BLNK: variants seen among roughly 807,000 people sequenced by gnomAD.
BLNK encodes the protein B-cell linker protein.
BLNK carries 29 observed loss-of-function variants against 73.5 expected under a neutral mutation model. The observed-to-expected ratio is 0.39, with a 90% CI of 0.29 to 0.54. The LOEUF is 0.54. Among genes scored for constraint, BLNK ranks in the 20% least tolerant of loss-of-function variants. BLNK has a pLI of 0.61. For missense variants in BLNK, 460 were observed against 562.8 expected (o/e 0.82, Z 1.85); for synonymous variants, 176 against 200.8 (o/e 0.88, Z 1.04).
intron 16 of BLNK, among the ~76,000 whole-genome samples, chr10:96,195,252 G>A (rs2083436670): frequency 6.6e-6 from 1 of 152,118 alleles, no homozygotes; most frequent in Non-Finnish European, 1.5e-5. Context: ...AAAAGTATGG[G>A]AGGTTCTCAA....
chr10:96,210,639 A>G (rs2083924438), intron 8 of BLNK, among the ~76,000 whole-genome samples: 1 of 152,194 alleles, frequency 6.6e-6, no homozygotes, highest in Non-Finnish European at 1.5e-5. Flanking sequence ...AAAGAGAAGC[A>G]GGATGGATCT....
chr10:96,214,727 A>T (rs900158429), intron 8 of BLNK, among the ~76,000 whole-genome samples: 3 of 152,088 alleles, frequency 2.0e-5, no homozygotes, highest in African/African-American at 7.2e-5. Context: ...TAGACTTGAG[A>T]CATGAATCCA....
At chr10:96,243,053 A>G (rs1166863975) in intron 2 of BLNK, among the ~76,000 whole-genome samples, 1 of 152,240 alleles carries the variant, frequency 6.6e-6, no homozygotes, top group Non-Finnish European at 1.5e-5. Flanking sequence ...CAGAGAGGTC[A>G]GAATATGATA....
At chr10:96,215,517 G>T (rs1003456867) in intron 7 of BLNK, 128 bp from the exon 8 acceptor site, 4 of 747,442 alleles carry the variant, frequency 5.4e-6, no homozygotes, top group Non-Finnish European at 8.7e-6. Context: ...TGCAAAGAAT[G>T]GGAGACACCC....
At chr10:96,257,304 G>C (rs1044879102) in intron 1 of BLNK, among the ~76,000 whole-genome samples, 8 of 152,188 alleles carry the variant, frequency 5.3e-5, no homozygotes, top group East Asian at 1.9e-4. Context: ...GGTGTGTCAT[G>C]ATGAGGGTGG....
At position 96,189,486 on chromosome 10, in the gene BLNK, G is replaced by C; in HGVS notation, c.*2487C>G. On this transcript the variant is annotated 3_prime_UTR_variant, in exon 17 of 17. Coordinates refer to ENST00000224337, the MANE Select transcript of BLNK (RefSeq NM_013314.4). ...AAGAGAACCACCTTTTTCTATACTTGCTTGCATTTTTGATTTAATGTCTTC... is the reference window on the plus strand; with the variant it reads ...AAGAGAACCACCTTTTTCTATACTTCCTTGCATTTTTGATTTAATGTCTTC... The C allele has an allele frequency of 1.6e-6, 1 of 633,392 alleles. No homozygotes were observed. The allele number at this position is 633,392 out of a possible 1,614,324, so 39.2% of individuals were successfully genotyped here.
intron 9 of BLNK, among the ~76,000 whole-genome samples, chr10:96,208,708 C>T (rs1336366649): frequency 6.6e-6 from 1 of 152,144 alleles, no homozygotes; most frequent in Non-Finnish European, 1.5e-5. Flanking sequence ...TTGTTTTCGG[C>T]TGAGAGCTGA....
chr10:96,237,279 T>C (rs1842728513), intron 3 of BLNK, among the ~76,000 whole-genome samples: 1 of 152,228 alleles, frequency 6.6e-6, no homozygotes, highest in Non-Finnish European at 1.5e-5. Context: ...AGGATTGTTA[T>C]GCATACCCCA....
intron 3 of BLNK, among the ~76,000 whole-genome samples, chr10:96,239,655 T>C (rs1554905764): frequency 6.6e-6 from 1 of 152,078 alleles, no homozygotes; most frequent in African/African-American, 2.4e-5. Flanking sequence ...TTAAGAGGCA[T>C]TTAAGAGCAA....
intron 1 of BLNK, among the ~76,000 whole-genome samples, chr10:96,253,926 C>T (rs1185355943): frequency 6.6e-6 from 1 of 151,642 alleles, no homozygotes; most frequent in African/African-American, 2.4e-5. Context: ...GAGGCTGAGA[C>T]AGGAGAATGG....
chr10:96,266,814 G>T (rs1844026404), intron 1 of BLNK, among the ~76,000 whole-genome samples: 1 of 152,208 alleles, frequency 6.6e-6, no homozygotes, highest in Non-Finnish European at 1.5e-5. Flanking sequence ...AAGAGAGACA[G>T]CAAATGCCAC....
Position 96,190,805 on chromosome 10 carries a change from G to A in BLNK, c.*1168C>T, listed in dbSNP as rs587675668. Among the ~76,000 whole-genome samples, 1 of 152,284 alleles carries A rather than the reference G, an allele frequency of 6.6e-6. No individual in the cohort carries two copies. Among genetic ancestry groups the A allele is most frequent in the South Asian group, 2.1e-4 (1 of 4,832 alleles). On this transcript the variant is annotated 3_prime_UTR_variant, in exon 17 of 17. Coordinates refer to ENST00000224337, the MANE Select transcript of BLNK (RefSeq NM_013314.4). ...CATTTCTGGGATGATCTAAGACCTT[G>A]GACCTGATTCTCCACGATGGTATCT...
chr10:96,261,526 G>A (rs1361896177), intron 1 of BLNK, among the ~76,000 whole-genome samples: 1 of 152,092 alleles, frequency 6.6e-6, no homozygotes, highest in Non-Finnish European at 1.5e-5. Context: ...AGGTAGCATC[G>A]GGTATATTAA....
At chr10:96,209,781 G>T (rs1249569404) in intron 9 of BLNK, 57 bp downstream of exon 9, 8 of 1,596,402 alleles carry the variant, frequency 5.0e-6, no homozygotes, top group Non-Finnish European at 6.0e-6. Flanking sequence ...GGGCAGTGGG[G>T]TATCACCATC....
At chr10:96,245,572 T>C (rs1223261022) in intron 2 of BLNK, among the ~76,000 whole-genome samples, 1 of 152,176 alleles carries the variant, frequency 6.6e-6, no homozygotes, top group Non-Finnish European at 1.5e-5. Context: ...CACCAATATA[T>C]AGCTAGTTAA....
At chr10:96,260,392 C>A (rs1468079088) in intron 1 of BLNK, among the ~76,000 whole-genome samples, 41 of 152,212 alleles carry the variant, frequency 2.7e-4, no homozygotes, top group Non-Finnish European at 8.8e-5. Context: ...TAAATCGAAC[C>A]AGCTGCCAAT....
chr10:96,237,628 C>G (rs1465705015), intron 3 of BLNK, among the ~76,000 whole-genome samples: 1 of 152,200 alleles, frequency 6.6e-6, no homozygotes, highest in African/African-American at 2.4e-5. Flanking sequence ...CATCCCCAGC[C>G]AGACCTCAGA....
At position 96,200,892 on chromosome 10, in the gene BLNK, G is replaced by A; in HGVS notation, c.1011+90C>T. On this transcript the variant is annotated intron_variant, in intron 14 of 16. Coordinates refer to ENST00000224337, the MANE Select transcript of BLNK (RefSeq NM_013314.4). The surrounding 1 kb of genome is among the most constrained non-coding windows in gnomAD (Gnocchi z 4.3). ...GTAAAATACAGTCTCTGTTCTCAAGGTTCACTCCAAATGTCTTCTTCTCAG... is the reference window on the plus strand; with the variant it reads ...GTAAAATACAGTCTCTGTTCTCAAGATTCACTCCAAATGTCTTCTTCTCAG... 3 of 1,167,940 alleles carry A rather than the reference G, an allele frequency of 2.6e-6. No homozygotes were observed. Among genetic ancestry groups the A allele is most frequent in the Non-Finnish European group, 3.9e-6 (3 of 773,870 alleles). 72.3% of individuals were successfully genotyped at this position (1,167,940 alleles called of 1,614,324 possible). A position where few individuals can be genotyped will look rare whatever the true frequency, so the allele number is the denominator to read the frequency against.
chr10:96,226,680 A>C (rs1554902547), intron 5 of BLNK, among the ~76,000 whole-genome samples: 1 of 152,042 alleles, frequency 6.6e-6, no homozygotes, highest in East Asian at 1.9e-4. Flanking sequence ...GTCTCTACTA[A>C]AAATACAAAA....
Sources: allele counts gnomAD v4.1 joint callset (sites outside exome capture counted in the v4.1 genomes callset), GRCh38; gene constraint gnomAD v4.1.1; non-coding constraint Gnocchi (gnomAD v3.1); transcripts MANE v1.5; gene names NCBI Gene and HGNC (gene_info 2026-07-23, HGNC 2026-07-21).